GPC5: variants seen among roughly 807,000 people sequenced by gnomAD.
The protein encoded by GPC5 is glypican-5.
GPC5 carries 47 observed loss-of-function variants against 53.9 expected under a neutral mutation model. The observed-to-expected ratio is 0.87, with a 90% CI of 0.69 to 1.11. The LOEUF (loss-of-function observed/expected upper bound fraction) is 1.11. Among genes scored for constraint, GPC5 ranks in the 50% most tolerant of loss-of-function variants. The pLI is 0.00. For missense variants in GPC5, 748 were observed against 713.1 expected, an observed-to-expected ratio of 1.05 and a Z score of -0.56; for synonymous variants, 286 against 263.3, an observed-to-expected ratio of 1.09 and a Z score of -0.84.
At chr13:91,871,857 A>G (rs958618141) in intron 5 of GPC5, among the ~76,000 whole-genome samples, 1 of 152,128 alleles carries the variant, frequency 6.6e-6, no homozygotes, top group Admixed American at 6.5e-5. Flanking sequence ...TTTTCATGAC[A>G]GTAACATAAG....
At chr13:92,476,842 A>C (rs922092078) in intron 7 of GPC5, among the ~76,000 whole-genome samples, 4 of 140,410 alleles carry the variant, frequency 2.8e-5, no homozygotes, top group African/African-American at 8.1e-5. Context: ...GGAATTGAAC[A>C]ATGAGAACAC....
intron 6 of GPC5, among the ~76,000 whole-genome samples, chr13:92,033,170 C>T (rs192239567): frequency 4.5e-4 from 69 of 151,808 alleles, no homozygotes; most frequent in Admixed American, 9.2e-4. Context: ...ACCTCCAAAG[C>T]CTATAACTTG....
chr13:91,966,105 C>T (rs748299248), intron 6 of GPC5, among the ~76,000 whole-genome samples: 13 of 152,142 alleles, frequency 8.5e-5, no homozygotes, highest in South Asian at 2.1e-4. Context: ...ATTCCTCATA[C>T]GGACACGTGA....
chr13:92,553,620 G>C (rs948524647), intron 7 of GPC5, among the ~76,000 whole-genome samples: 1 of 151,934 alleles, frequency 6.6e-6, no homozygotes, highest in Non-Finnish European at 1.5e-5. Context: ...TCGAAGCCGA[G>C]GGAACAGAGA....
chr13:91,807,029 G>A (rs2038232589), intron 5 of GPC5, among the ~76,000 whole-genome samples: 1 of 152,024 alleles, frequency 6.6e-6, no homozygotes, highest in Non-Finnish European at 1.5e-5. Flanking sequence ...TTTTGCAATA[G>A]ATCAATATTT....
At chr13:91,565,607 G>A (rs2065852) in intron 2 of GPC5, among the ~76,000 whole-genome samples, 71,765 of 152,116 alleles carry the variant, frequency 0.47, 18,805 homozygotes, top group African/African-American at 0.72. Flanking sequence ...AACCAGACAT[G>A]TACTTACAGC....
chr13:92,540,632 T>C (rs569545190), intron 7 of GPC5, among the ~76,000 whole-genome samples: 5 of 152,038 alleles, frequency 3.3e-5, no homozygotes, highest in African/African-American at 1.2e-4. Context: ...TTCAAAACTA[T>C]TTCATTGATT....
chr13:91,853,464 A>C (rs193291278), intron 5 of GPC5, among the ~76,000 whole-genome samples: 20 of 152,158 alleles, frequency 1.3e-4, no homozygotes, highest in African/African-American at 4.3e-4. Flanking sequence ...AGACACAATA[A>C]GACTTTATGA....
intron 5 of GPC5, among the ~76,000 whole-genome samples, chr13:91,880,821 T>A (rs2039256093): frequency 6.6e-6 from 1 of 152,060 alleles, no homozygotes; most frequent in Admixed American, 6.6e-5. Flanking sequence ...GTGATGGAGT[T>A]TTGATCTTGT....
At chr13:92,139,596 G>A (rs550990614) in intron 6 of GPC5, among the ~76,000 whole-genome samples, 20 of 150,086 alleles carry the variant, frequency 1.3e-4, no homozygotes, top group African/African-American at 4.4e-4. Context: ...GAACCTGGGA[G>A]GCAGAGGTTG....
At chr13:91,498,981 A>AG (rs1884469698) in intron 2 of GPC5, among the ~76,000 whole-genome samples, 1 of 151,418 alleles carries the variant, frequency 6.6e-6, no homozygotes, top group Non-Finnish European at 1.5e-5. Flanking sequence ...TCAAAAAAAA[A>AG]GAAAAAAGGA....
chr13:92,736,618 G>C (rs1888942522), intron 7 of GPC5, among the ~76,000 whole-genome samples: 1 of 151,776 alleles, frequency 6.6e-6, no homozygotes, highest in Non-Finnish European at 1.5e-5. Context: ...TTGATGTGCT[G>C]CTTTTATGGG....
intron 7 of GPC5, among the ~76,000 whole-genome samples, chr13:92,679,177 G>A (rs1400237095): frequency 6.6e-6 from 1 of 152,116 alleles, no homozygotes; most frequent in Admixed American, 6.6e-5. Flanking sequence ...GGTCATTTTA[G>A]TTTAGTGTAT....
chr13:92,692,596 G>C (rs1437784431), intron 7 of GPC5, among the ~76,000 whole-genome samples: 1 of 149,660 alleles, frequency 6.7e-6, no homozygotes, highest in African/African-American at 2.5e-5. Flanking sequence ...TGAGTTAGTG[G>C]GTGCAGTACA....
chr13:92,619,058 A>G (rs1044817364), intron 7 of GPC5, among the ~76,000 whole-genome samples: 8 of 151,992 alleles, frequency 5.3e-5, no homozygotes, highest in Non-Finnish European at 1.2e-4. Flanking sequence ...AATGAGCGTT[A>G]ATTTTCTCAA....
intron 7 of GPC5, among the ~76,000 whole-genome samples, chr13:92,204,864 GT>G (rs1406130055): frequency 1.3e-5 from 2 of 151,910 alleles, no homozygotes; most frequent in Non-Finnish European, 1.5e-5. Flanking sequence ...TTTTTTGTTT[GT>G]TTTTTGGTTT....
chr13:91,927,287 C>T (rs567240025), intron 6 of GPC5, among the ~76,000 whole-genome samples: 2 of 152,150 alleles, frequency 1.3e-5, no homozygotes, highest in Admixed American at 6.5e-5. Flanking sequence ...AAAACCCTGT[C>T]GTGCTATAAT....
At chr13:91,562,208 A>T (rs2031303839) in intron 2 of GPC5, among the ~76,000 whole-genome samples, 1 of 151,216 alleles carries the variant, frequency 6.6e-6, no homozygotes, top group Non-Finnish European at 1.5e-5. Flanking sequence ...AAAAAAAAAA[A>T]AAAAAAATAG....
chr13:91,463,883 A>T (rs1290445937), intron 2 of GPC5, among the ~76,000 whole-genome samples: 2 of 152,110 alleles, frequency 1.3e-5, no homozygotes, highest in Non-Finnish European at 2.9e-5. Context: ...CAACAAGAAC[A>T]CCCATGTTTC....
Sources: allele counts gnomAD v4.1 joint callset (sites outside exome capture counted in the v4.1 genomes callset), GRCh38; gene constraint gnomAD v4.1.1; transcripts MANE v1.5; gene names NCBI Gene and HGNC (gene_info 2026-07-23, HGNC 2026-07-21).